The following GRHL1 variants were observed in gnomAD, a reference collection of about 807,000 sequenced individuals.
GRHL1 encodes the protein grainyhead like transcription factor 1.
Under a neutral mutation model 75.7 loss-of-function variants are expected in GRHL1, and 38 were observed. The observed-to-expected ratio is 0.50, with a 90% confidence interval of 0.39 to 0.66. The LOEUF (loss-of-function observed/expected upper bound fraction) is 0.66, where lower values mean the gene tolerates loss of function less well. GRHL1 is among the 30% of genes least tolerant of loss of function. GRHL1 has a pLI of 0.00. For synonymous variants in GRHL1, 266 were observed against 279.4 expected, an observed-to-expected ratio of 0.95 and a Z score of 0.48; for missense variants, 589 against 767.5, an observed-to-expected ratio of 0.77 and a Z score of 2.75.
chr2:9,989,337 C>G lies in GRHL1; in HGVS notation c.1270-1359C>G, dbSNP rs1572382242. ...TAACTGGAGCACTATGTAAAGAAATCTGTACCATCCAGAAATTAATTCCAA... is the reference window on the plus strand; with the variant it reads ...TAACTGGAGCACTATGTAAAGAAATGTGTACCATCCAGAAATTAATTCCAA... On this transcript the variant is annotated intron_variant, in intron 9 of 15. Transcript: ENST00000324907. Among the ~76,000 whole-genome samples the G allele has an allele frequency of 2.6e-5, 4 of 152,270 alleles. No homozygotes were observed. The South Asian group carries it at 6.2e-4, about 24-fold the overall frequency.
chr2:9,968,838 A>G lies in GRHL1; in HGVS notation c.1110+3457A>G, dbSNP rs1667592834. On this transcript the variant is annotated intron_variant, in intron 8 of 15. Coordinates refer to ENST00000324907, the MANE Select transcript of GRHL1 (RefSeq NM_198182.3). The surrounding 1 kb of genome is among the most constrained non-coding windows in gnomAD (Gnocchi z 4.7). Reference sequence around the variant, plus strand: ...ACATATCCGAGAGCCTGCTGTGGACAAGGCGTGGGCTGGATCTAGGCTCCT... The same window carrying G: ...ACATATCCGAGAGCCTGCTGTGGACGAGGCGTGGGCTGGATCTAGGCTCCT... Among the ~76,000 whole-genome samples the G allele has an allele frequency of 6.6e-6, 1 of 152,196 alleles. No individual in the cohort carries two copies. The highest frequency in any genetic ancestry group is 2.1e-4 in the South Asian group (1 of 4,830).
chr2:9,982,697 G>C (rs955232454), intron 8 of GRHL1, among the ~76,000 whole-genome samples: 1 of 152,142 alleles, frequency 6.6e-6, no homozygotes, highest in Non-Finnish European at 1.5e-5. Flanking sequence ...GATGCTCCTG[G>C]CATCACACTT....
At chr2:9,993,276 A>T in intron 12 of GRHL1, 32 bp downstream of exon 12, 2 of 1,547,740 alleles carry the variant, frequency 1.3e-6, no homozygotes, top group Non-Finnish European at 1.8e-6. Flanking sequence ...GTTTTGTTTT[A>T]ATAATGGAAA....
Position 9,951,945 on chromosome 2 carries a change from C to A in GRHL1, c.20+92C>A. The A allele has an allele frequency of 2.5e-6, 2 of 800,130 alleles. No individual in the cohort carries two copies. Among genetic ancestry groups the A allele is most frequent in the South Asian group, 5.5e-5 (1 of 18,158 alleles). The allele number at this position is 800,130 out of a possible 1,614,324, so 49.6% of individuals were successfully genotyped here. A position where few individuals can be genotyped will look rare whatever the true frequency, so the allele number is the denominator to read the frequency against. On this transcript the variant is annotated intron_variant, in intron 1 of 15. Transcript: ENST00000324907. This position sits in a 1 kb window ranked among gnomAD's most constrained non-coding sequence, Gnocchi z 4.2. ...CGAGCCGGGCGCAGACCCGAGGCCGCGCGGGCGGGCGGGCGCGGGGCGCGA... is the reference window on the plus strand; with the variant it reads ...CGAGCCGGGCGCAGACCCGAGGCCGAGCGGGCGGGCGGGCGCGGGGCGCGA...
At chr2:9,978,921 G>A (rs1247372264) in intron 8 of GRHL1, among the ~76,000 whole-genome samples, 1 of 152,016 alleles carries the variant, frequency 6.6e-6, no homozygotes, top group Non-Finnish European at 1.5e-5. Flanking sequence ...AACCCGGGAG[G>A]CGGAGGTTTC....
chr2:9,960,393 C>T (rs1667223213), intron 3 of GRHL1: 1 of 151,676 alleles, frequency 6.6e-6, no homozygotes, highest in Non-Finnish European at 1.5e-5. Flanking sequence ...GAGCCTAGAT[C>T]ACGCCATTGC....
intron 7 of GRHL1, 101 bp downstream of exon 7, chr2:9,964,447 T>TA: frequency 5.9e-6 from 4 of 674,664 alleles, no homozygotes; most frequent in Non-Finnish European, 1.0e-5. Context: ...CCGAAAGCAT[T>TA]TGAATTTTTA....
chr2:9,979,759 T>C (rs775721220), intron 8 of GRHL1, among the ~76,000 whole-genome samples: 4 of 152,230 alleles, frequency 2.6e-5, no homozygotes, highest in Non-Finnish European at 4.4e-5. Context: ...AGCAACAGCC[T>C]TTTTGCTAGT....
Position 9,987,658 on chromosome 2 carries a change from C to CT in GRHL1, c.1269+1383dup, listed in dbSNP as rs148888789. On this transcript the variant is annotated intron_variant, in intron 9 of 15. Transcript: ENST00000324907. This position sits in a 1 kb window ranked among gnomAD's most constrained non-coding sequence, Gnocchi z 4.2. ...ATGACCTGTTTTCCCTGGTGTGGCTCTTTTTTTATCTGGAGAAGAGAGGCT... is the reference window on the plus strand; with the variant it reads ...ATGACCTGTTTTCCCTGGTGTGGCTCTTTTTTTTATCTGGAGAAGAGAGGCT... Among the ~76,000 whole-genome samples the CT allele has an allele frequency of 0.026, 3,988 of 152,196 alleles. 174 individuals are homozygous for CT. Among genetic ancestry groups the CT allele is most frequent in the African/African-American group, 0.09 (3,751 of 41,480 alleles).
intron 15 of GRHL1, among the ~76,000 whole-genome samples, chr2:9,999,755 T>G (rs1669190251): frequency 6.6e-6 from 1 of 152,260 alleles, no homozygotes; most frequent in Non-Finnish European, 1.5e-5. Flanking sequence ...CATAAGAATT[T>G]TTTGGCTTAG....
In GRHL1 at chr2:9,998,556, G is replaced by A. The variant is rs575454817; in HGVS notation, c.1678-409G>A. Among the ~76,000 whole-genome samples, 8 of 11,806 alleles carry A rather than the reference G, an allele frequency of 6.8e-4. 2 individuals carry two copies. Among genetic ancestry groups the A allele is most frequent in the South Asian group, 2.9e-3 (1 of 342 alleles). 7.7% of individuals were successfully genotyped at this position (11,806 alleles called of 152,430 possible). A position where few individuals can be genotyped will look rare whatever the true frequency, so the allele number is the denominator to read the frequency against. Reference sequence around the variant, plus strand: ...TACGTATATATACATATGTATATATGTGTGTACATGTATATATATACATAT... The same window carrying A: ...TACGTATATATACATATGTATATATATGTGTACATGTATATATATACATAT... On this transcript the variant is annotated intron_variant, in intron 14 of 15. Transcript: ENST00000324907.
intron 8 of GRHL1, among the ~76,000 whole-genome samples, chr2:9,969,209 A>G (rs531010264): frequency 2.0e-5 from 3 of 152,232 alleles, no homozygotes; most frequent in Admixed American, 6.5e-5. Flanking sequence ...GATCTAAAAT[A>G]AACAGAGGAA....
At chr2:9,954,290 A>G (rs968645734) in intron 1 of GRHL1, among the ~76,000 whole-genome samples, 3 of 152,194 alleles carry the variant, frequency 2.0e-5, no homozygotes, top group Non-Finnish European at 4.4e-5. Flanking sequence ...CCAGAAAATT[A>G]TGCCTCTTTA....
At chr2:9,961,483 A>G (rs1667271328) in intron 4 of GRHL1, 47 bp downstream of exon 4, 1 of 1,518,524 alleles carries the variant, frequency 6.6e-7, no homozygotes, top group South Asian at 1.3e-5. Context: ...TGTTTGTATA[A>G]GTATTGGGTT....
rs1384026109 is a variant in GRHL1, at chr2:10,000,583, C to G, written c.1743-10C>G. On this transcript the variant is annotated splice_polypyrimidine_tract_variant and intron_variant, in intron 15 of 15. Coordinates refer to ENST00000324907, the MANE Select transcript of GRHL1 (RefSeq NM_198182.3). The stretch of plus-strand genomic sequence containing the variant: ...AGTGAAGTTGGTTGGTCTTGTCCCC[C>G]CCCATCCAGGATCCTGGTGAACATG... 1.2e-5 allele frequency: 18 copies of G among 1,562,000 alleles called. No individual in the cohort carries two copies. Among genetic ancestry groups the G allele is most frequent in the Non-Finnish European group, 1.4e-5 (16 of 1,133,388 alleles).
At chr2:9,982,399 C>CA (rs1236300709) in intron 8 of GRHL1, among the ~76,000 whole-genome samples, 11 of 151,778 alleles carry the variant, frequency 7.2e-5, no homozygotes, top group Middle Eastern at 3.4e-3. Context: ...TAGGAAGCAC[C>CA]AAAAAAAACA....
intron 14 of GRHL1, 36 bp from the exon 15 acceptor site, chr2:9,998,929 A>G (rs1183737928): frequency 1.5e-5 from 16 of 1,076,048 alleles, no homozygotes; most frequent in Non-Finnish European, 2.2e-5. Context: ...AAGCCTTGAT[A>G]CAGGGTTTTG....
chr2:9,989,143 T>G (rs1668540076), intron 9 of GRHL1, among the ~76,000 whole-genome samples: 3 of 152,220 alleles, frequency 2.0e-5, no homozygotes, highest in Admixed American at 2.0e-4. Context: ...ATATTTACTA[T>G]GTTAGTATGC....
At chr2:9,989,608 G>A (rs938886531) in intron 9 of GRHL1, among the ~76,000 whole-genome samples, 2 of 152,076 alleles carry the variant, frequency 1.3e-5, no homozygotes, top group African/African-American at 4.8e-5. Flanking sequence ...GAGTACAGTG[G>A]TGCGATCCCA....
Sources: allele counts gnomAD v4.1 joint callset (sites outside exome capture counted in the v4.1 genomes callset), GRCh38; gene constraint gnomAD v4.1.1; non-coding constraint Gnocchi (gnomAD v3.1); transcripts MANE v1.5; gene names NCBI Gene and HGNC (gene_info 2026-07-23, HGNC 2026-07-21).